NTM: variants seen among roughly 807,000 people sequenced by gnomAD.
NTM encodes the protein neurotrimin, also known as IgLON family member 2.
NTM carries 13 observed loss-of-function variants against 42.1 expected under a neutral mutation model. That is an observed-to-expected ratio of 0.31 (90% CI 0.20 to 0.49). The LOEUF (loss-of-function observed/expected upper bound fraction) is 0.49. Among genes scored for constraint, NTM ranks in the 20% least tolerant of loss-of-function variants. NTM has a pLI of 0.99. For synonymous variants in NTM, 187 were observed against 179.2 expected (o/e 1.04, Z -0.35); for missense variants, 373 against 452.8 (o/e 0.82, Z 1.60).
chr11:131,465,764 C>T (rs1349666098), intron 1 of NTM, among the ~76,000 whole-genome samples: 1 of 150,250 alleles, frequency 6.7e-6, no homozygotes, highest in Non-Finnish European at 1.5e-5. Context: ...CCTGAATGCA[C>T]CAGAGCCATT....
At chr11:131,826,197 A>G (rs1454262563) in intron 1 of NTM, among the ~76,000 whole-genome samples, 3 of 152,186 alleles carry the variant, frequency 2.0e-5, no homozygotes, top group African/African-American at 7.2e-5. Context: ...CATGATCACA[A>G]TTTAGATTGC....
At chr11:131,886,471 C>G (rs2050415329) in intron 1 of NTM, among the ~76,000 whole-genome samples, 1 of 152,214 alleles carries the variant, frequency 6.6e-6, no homozygotes, top group Admixed American at 6.5e-5. Flanking sequence ...GTTCATTATC[C>G]AGTCCTGAGT....
chr11:131,654,213 G>A (rs964487814), intron 1 of NTM, among the ~76,000 whole-genome samples: 2 of 152,172 alleles, frequency 1.3e-5, no homozygotes, highest in African/African-American at 2.4e-5. Flanking sequence ...AAAGGAGGTC[G>A]TCTGCCTTTT....
chr11:131,483,505 TAAAAG>T, intron 1 of NTM, among the ~76,000 whole-genome samples: 2 of 152,276 alleles, frequency 1.3e-5, no homozygotes, highest in East Asian at 1.9e-4. Context: ...ATTTTTATAA[TAAAAG>T]GAATGGTGAA....
chr11:131,892,086 A>C (rs916741038), intron 1 of NTM, among the ~76,000 whole-genome samples: 1 of 151,974 alleles, frequency 6.6e-6, no homozygotes, highest in Middle Eastern at 3.2e-3. Context: ...ACATTCCACT[A>C]TGGGAACTTT....
intron 1 of NTM, among the ~76,000 whole-genome samples, chr11:131,851,764 A>G (rs1191574046): frequency 6.6e-6 from 1 of 152,136 alleles, no homozygotes; most frequent in Non-Finnish European, 1.5e-5. Context: ...TAAATTAGCA[A>G]TTAAAAATAA....
chr11:131,627,925 A>AT, intron 1 of NTM, among the ~76,000 whole-genome samples: 1 of 152,284 alleles, frequency 6.6e-6, no homozygotes, highest in Admixed American at 6.5e-5. Flanking sequence ...TCAGGTTTCC[A>AT]TGTTTTAGTG....
intron 3 of NTM, among the ~76,000 whole-genome samples, chr11:132,181,955 T>TGTA (rs1555302397): frequency 7.1e-6 from 1 of 141,018 alleles, no homozygotes; most frequent in African/African-American, 2.6e-5. Context: ...CACTATCTAG[T>TGTA]TTATTATTAT....
intron 3 of NTM, among the ~76,000 whole-genome samples, chr11:132,152,402 T>G (rs138856911): frequency 7.1e-4 from 108 of 152,326 alleles, no homozygotes; most frequent in African/African-American, 2.5e-3. Context: ...TGACAGATAG[T>G]GGGGGCATAC....
chr11:131,545,296 T>C (rs73576205), intron 1 of NTM, among the ~76,000 whole-genome samples: 3,864 of 152,264 alleles, frequency 0.025, 174 homozygotes, highest in African/African-American at 0.086. Context: ...TGTCTTTTTC[T>C]TTTTCTTTTT....
intron 3 of NTM, among the ~76,000 whole-genome samples, chr11:132,173,353 G>A (rs368280491): frequency 6.6e-6 from 1 of 152,174 alleles, no homozygotes; most frequent in Non-Finnish European, 1.5e-5. Flanking sequence ...CCATGAGTGT[G>A]CAGCGAAGTG....
chr11:131,911,428 G>T, intron 1 of NTM, 136 bp from the exon 2 acceptor site: 2 of 1,610,252 alleles, frequency 1.2e-6, no homozygotes, highest in Non-Finnish European at 1.7e-6. Flanking sequence ...GTGCTCGCCC[G>T]GGGGGCGTGT....
chr11:131,469,938 A>C (rs1169069559), intron 1 of NTM, among the ~76,000 whole-genome samples: 1 of 152,188 alleles, frequency 6.6e-6, no homozygotes, highest in African/African-American at 2.4e-5. Context: ...TTGGTTTGGA[A>C]ATCCTATGAA....
At chr11:131,920,868 T>C (rs1421093001) in intron 2 of NTM, among the ~76,000 whole-genome samples, 4 of 152,136 alleles carry the variant, frequency 2.6e-5, no homozygotes, top group African/African-American at 7.2e-5. Context: ...CAAAGGAAGA[T>C]GTATCTGTGT....
At chr11:131,893,553 C>A (rs773567367) in intron 1 of NTM, among the ~76,000 whole-genome samples, 1 of 152,110 alleles carries the variant, frequency 6.6e-6, no homozygotes, top group Non-Finnish European at 1.5e-5. Context: ...AGGCAGAAGA[C>A]GTGTGGACAC....
At chr11:132,067,656 G>A (rs934726335) in intron 2 of NTM, among the ~76,000 whole-genome samples, 1 of 152,216 alleles carries the variant, frequency 6.6e-6, no homozygotes, top group African/African-American at 2.4e-5. Flanking sequence ...TCCAAATCCA[G>A]TAGGGCAAAT....
intron 1 of NTM, among the ~76,000 whole-genome samples, chr11:131,392,225 G>T (rs912179406): frequency 1.3e-5 from 2 of 151,878 alleles, no homozygotes; most frequent in African/African-American, 4.9e-5. Flanking sequence ...ATCATCCCAG[G>T]GATGGGAGTC....
intron 1 of NTM, among the ~76,000 whole-genome samples, chr11:131,812,389 A>G (rs1310161890): frequency 6.6e-6 from 1 of 152,208 alleles, no homozygotes; most frequent in African/African-American, 2.4e-5. Context: ...GCATGAGGAT[A>G]GACCCTAGGA....
chr11:131,527,269 TC>T, intron 1 of NTM, among the ~76,000 whole-genome samples: 1 of 152,252 alleles, frequency 6.6e-6, no homozygotes, highest in Non-Finnish European at 1.5e-5. Flanking sequence ...ATGCCCTCAT[TC>T]CCTACAAAAC....
Sources: gnomAD v4.1 joint callset for allele counts (sites outside exome capture counted in the v4.1 genomes callset) on GRCh38, gnomAD v4.1.1 for gene constraint, MANE v1.5 for transcripts, NCBI Gene and HGNC (gene_info 2026-07-23, HGNC 2026-07-21) for gene names.